Variants in LRBA observed in about 807,000 individuals in gnomAD.
LRBA encodes the protein LPS responsive beige-like anchor protein, also known as lipopolysaccharide-responsive and beige-like anchor protein.
A neutral mutation model predicts 330.0 loss-of-function variants in LRBA; 176 were observed. The observed-to-expected ratio is 0.53, with a 90% CI of 0.47 to 0.60. The LOEUF is 0.60. Among genes scored for constraint, LRBA ranks in the 20% least tolerant of loss-of-function variants. The pLI, the probability that LRBA is intolerant of heterozygous loss-of-function variation, is 0.00. For missense variants in LRBA, 3,259 were observed against 3,444.8 expected, an observed-to-expected ratio of 0.95 and a Z score of 1.35; for synonymous variants, 1,230 against 1,193.0, an observed-to-expected ratio of 1.03 and a Z score of -0.64.
At chr4:150,735,461 T>G (rs1731062933) in intron 35 of LRBA, 95 bp from the exon 36 acceptor site, 1 of 814,766 alleles carries the variant, frequency 1.2e-6, no homozygotes. Context: ...GAATACTTAC[T>G]TTCTTCTTTT....
intron 30 of LRBA, among the ~76,000 whole-genome samples, chr4:150,826,113 A>G (rs1746238316): frequency 6.6e-6 from 1 of 152,202 alleles, no homozygotes; most frequent in Non-Finnish European, 1.5e-5. Context: ...ATGATTTGAG[A>G]AAAACTGAAG....
chr4:150,276,123 A>G, intron 56 of LRBA, among the ~76,000 whole-genome samples: 1 of 152,196 alleles, frequency 6.6e-6, no homozygotes, highest in South Asian at 2.1e-4. Context: ...CTCAGAAATA[A>G]CACCATGCAT....
At chr4:150,350,373 C>T (rs1004720582) in intron 47 of LRBA, among the ~76,000 whole-genome samples, 1 of 152,096 alleles carries the variant, frequency 6.6e-6, no homozygotes, top group Non-Finnish European at 1.5e-5. Context: ...AGTTTGAGAC[C>T]AGCTTGGCCA....
rs540670049 is a variant in LRBA at position 150,635,560 on chromosome 4, T to A, written c.5922-36429A>T. ...CACAGGTTTTAAGGCTTGTTGTATA[T>A]GAACTTGTTAAATTCTTATGGAGAG... On this transcript the variant is annotated intron_variant, in intron 37 of 56. Coordinates refer to ENST00000651943, the MANE Select transcript of LRBA (RefSeq NM_001364905.1). 7.2e-5 allele frequency among the ~76,000 whole-genome samples: 11 copies of A among 152,354 alleles called. No individual in the cohort carries two copies. The South Asian group carries it at 1.4e-3, about 20-fold the overall frequency.
At chr4:150,998,876 T>C (rs932240630) in intron 2 of LRBA, among the ~76,000 whole-genome samples, 1 of 152,188 alleles carries the variant, frequency 6.6e-6, no homozygotes, top group Non-Finnish European at 1.5e-5. Flanking sequence ...AGAACTCCAT[T>C]ATCTGAAATT....
At chr4:150,479,489 T>C in intron 42 of LRBA, among the ~76,000 whole-genome samples, 2 of 152,274 alleles carry the variant, frequency 1.3e-5, no homozygotes, top group South Asian at 4.1e-4. Context: ...ATTATAAAAA[T>C]TATCTAATCA....
intron 52 of LRBA, among the ~76,000 whole-genome samples, chr4:150,305,764 G>T (rs901301591): frequency 6.6e-6 from 1 of 152,106 alleles, no homozygotes; most frequent in Non-Finnish European, 1.5e-5. Context: ...TATACTTTGG[G>T]CTCAACTCTG....
intron 47 of LRBA, among the ~76,000 whole-genome samples, chr4:150,373,911 T>A (rs978229147): frequency 6.6e-6 from 1 of 152,160 alleles, no homozygotes; most frequent in Non-Finnish European, 1.5e-5. Flanking sequence ...TGTACTGGTT[T>A]TCAGTTTCTC....
intron 47 of LRBA, among the ~76,000 whole-genome samples, chr4:150,372,589 GA>G (rs936196776): frequency 1.4e-5 from 2 of 142,358 alleles, no homozygotes; most frequent in Admixed American, 7.0e-5. Flanking sequence ...GAAAGGAAAA[GA>G]AAAAAAATCC....
chr4:150,654,984 A>G (rs1780046357), intron 37 of LRBA, among the ~76,000 whole-genome samples: 2 of 152,130 alleles, frequency 1.3e-5, no homozygotes, highest in African/African-American at 4.8e-5. Flanking sequence ...TGCTATTGTG[A>G]ATAGTGCCGC....
chr4:150,403,788 G>A (rs1745805578), intron 47 of LRBA, among the ~76,000 whole-genome samples: 1 of 152,166 alleles, frequency 6.6e-6, no homozygotes, highest in African/African-American at 2.4e-5. Flanking sequence ...TTGGGAGGCT[G>A]AGGAGGGCAG....
intron 36 of LRBA, among the ~76,000 whole-genome samples, chr4:150,700,150 T>C (rs929002851): frequency 1.3e-5 from 2 of 152,324 alleles, no homozygotes; most frequent in Admixed American, 6.5e-5. Context: ...TCAACCGGCA[T>C]TTTATCTTTC....
intron 28 of LRBA, among the ~76,000 whole-genome samples, chr4:150,833,544 G>A (rs575306260): frequency 7.2e-5 from 11 of 152,032 alleles, no homozygotes; most frequent in Non-Finnish European, 1.6e-4. Flanking sequence ...TAAAAGTTAC[G>A]TTTACACTAT....
chr4:150,990,391 C>G (rs962743744), intron 2 of LRBA, among the ~76,000 whole-genome samples: 3 of 152,068 alleles, frequency 2.0e-5, no homozygotes, highest in Admixed American at 1.3e-4. Flanking sequence ...GTTCACTGTA[C>G]AAATACATTA....
intron 28 of LRBA, among the ~76,000 whole-genome samples, chr4:150,836,351 G>T (rs1748072557): frequency 6.6e-6 from 1 of 152,096 alleles, no homozygotes. Context: ...TTTTTCTATT[G>T]ATTGGAATAG....
intron 4 of LRBA, among the ~76,000 whole-genome samples, chr4:150,924,154 T>C (rs1193254569): frequency 1.3e-5 from 2 of 152,202 alleles, no homozygotes; most frequent in Non-Finnish European, 2.9e-5. Flanking sequence ...TACATTAAGA[T>C]AAGCACTTTA....
chr4:151,014,847 C>A lies in LRBA; in HGVS notation c.-205G>T. ...GTCCAATCTCTCTCCCCGAGGCTGA[C>A]AACAACGCCAAACCCTATTGGAAGA... On this transcript the variant is annotated 5_prime_UTR_variant, in exon 2 of 57. Transcript: ENST00000651943. 1.8e-6 allele frequency: 1 copy of A among 555,496 alleles called. No homozygotes were observed. Among genetic ancestry groups the A allele is most frequent in the Non-Finnish European group, 3.2e-6 (1 of 312,506 alleles). The allele number at this position is 555,496 out of a possible 1,614,324, so 34.4% of individuals were successfully genotyped here.
At position 150,264,643 on chromosome 4, in the gene LRBA, G is replaced by GAAAT. The variant is rs762327193; in HGVS notation, c.*1075_*1078dup. 6.6e-6 allele frequency: 1 copy of GAAAT among 152,606 alleles called. No homozygotes were observed. The highest frequency in any genetic ancestry group is 1.5e-5 in the Non-Finnish European group (1 of 68,036). 9.5% of individuals were successfully genotyped at this position (152,606 alleles called of 1,614,324 possible). A position where few individuals can be genotyped will look rare whatever the true frequency, so the allele number is the denominator to read the frequency against. ...GGACCACTTGAAGTCTGTTGCAAGA[G>GAAAT]AAATAGAGATCAAAGTTCACAACAT... On this transcript the variant is annotated 3_prime_UTR_variant, in exon 57 of 57. Coordinates refer to ENST00000651943, the MANE Select transcript of LRBA (RefSeq NM_001364905.1).
At chr4:150,730,115 C>A (rs1475466975) in intron 36 of LRBA, among the ~76,000 whole-genome samples, 1 of 152,118 alleles carries the variant, frequency 6.6e-6, no homozygotes, top group African/African-American at 2.4e-5. Context: ...ACCCCATAGT[C>A]ACAAGCAACC....
Sources: allele counts gnomAD v4.1 joint callset (sites outside exome capture counted in the v4.1 genomes callset), GRCh38; gene constraint gnomAD v4.1.1; transcripts MANE v1.5; gene names NCBI Gene and HGNC (gene_info 2026-07-23, HGNC 2026-07-21).